LEMD3: variants seen among roughly 807,000 people sequenced by gnomAD.
LEMD3 encodes inner nuclear membrane protein Man1.
A neutral mutation model predicts 95.2 loss-of-function variants in LEMD3; 33 were observed. The ratio of observed to expected loss-of-function variants is 0.35; its 90% CI spans 0.26 to 0.46. The LOEUF is 0.46. Among genes scored for constraint, LEMD3 ranks in the 20% least tolerant of loss-of-function variants. The pLI, the probability that LEMD3 is intolerant of heterozygous loss-of-function variation, is 1.00. For missense variants in LEMD3, 1,210 were observed against 1,192.8 expected (o/e 1.01, Z -0.21); for synonymous variants, 525 against 474.6 (o/e 1.11, Z -1.38).
chr12:65,198,867 G>A (rs1869511168), intron 1 of LEMD3, among the ~76,000 whole-genome samples: 3 of 152,034 alleles, frequency 2.0e-5, no homozygotes, highest in South Asian at 4.1e-4. Flanking sequence ...TTGATCTGAA[G>A]TTGGTTGAGT....
chr12:65,205,387 A>AT lies in LEMD3; in HGVS notation c.1523-5530dup, dbSNP rs202070458. ...GATTACAAGGTTGAAAGAGACCATAATTTTTTTTTATCATATATAAAGAAT... is the reference window on the plus strand; with the variant it reads ...GATTACAAGGTTGAAAGAGACCATAATTTTTTTTTTATCATATATAAAGAAT... On this transcript the variant is annotated intron_variant, in intron 1 of 12. Coordinates refer to ENST00000308330, the MANE Select transcript of LEMD3 (RefSeq NM_014319.5). 3.8e-4 allele frequency among the ~76,000 whole-genome samples: 57 copies of AT among 151,848 alleles called. 2 individuals are homozygous for AT. The highest frequency in any genetic ancestry group is 8.3e-4 in the South Asian group (4 of 4,798).
At chr12:65,233,029 A>T (rs1870675166) in intron 4 of LEMD3, among the ~76,000 whole-genome samples, 1 of 152,224 alleles carries the variant, frequency 6.6e-6, no homozygotes, top group South Asian at 2.1e-4. Context: ...GGGAAATTTT[A>T]TGATAATAAT....
In LEMD3 at chr12:65,246,490, C is replaced by CA. The variant is rs1871111187; in HGVS notation, c.*166dup. 4.6e-6 allele frequency: 3 copies of CA among 651,534 alleles called. No individual in the cohort carries two copies. Among genetic ancestry groups the CA allele is most frequent in the Non-Finnish European group, 8.1e-6 (3 of 368,332 alleles). The allele number at this position is 651,534 out of a possible 1,614,324, so 40.4% of individuals were successfully genotyped here. ...GTTCCAAAGGGATTTAGCAGTGAGG[C>CA]AGCAATGCTGAGTAGGTAGGATAAT... On this transcript the variant is annotated 3_prime_UTR_variant, in exon 13 of 13. Coordinates refer to ENST00000308330, the MANE Select transcript of LEMD3 (RefSeq NM_014319.5).
intron 9 of LEMD3, 65 bp downstream of exon 9, chr12:65,241,152 T>G (rs1230808294): frequency 7.4e-7 from 1 of 1,351,896 alleles, no homozygotes; most frequent in Non-Finnish European, 1.1e-6. Flanking sequence ...AAATATGTGT[T>G]AAGTGAAACA....
chr12:65,218,678 C>T lies in LEMD3; in HGVS notation c.1695+59C>T, dbSNP rs1870184949. The T allele has an allele frequency of 3.1e-6, 3 of 958,802 alleles. No individual in the cohort carries two copies. The South Asian group carries it at 4.3e-5, about 14-fold the overall frequency. 59.4% of individuals were successfully genotyped at this position (958,802 alleles called of 1,614,324 possible). Reference sequence around the variant, plus strand: ...TTTTAAAAAATTATATAAATCATTGCTACTTGTAAGAATCATATGTTTGAT... The same window carrying T: ...TTTTAAAAAATTATATAAATCATTGTTACTTGTAAGAATCATATGTTTGAT... On this transcript the variant is annotated intron_variant, in intron 4 of 12. Transcript: ENST00000308330.
chr12:65,169,594 A>C lies in LEMD3; in HGVS notation c.-3A>C. On this transcript the variant is annotated 5_prime_UTR_variant, in exon 1 of 13. Coordinates refer to ENST00000308330, the MANE Select transcript of LEMD3 (RefSeq NM_014319.5). ...GGAGCTTGTAAAACACCCTGGAGAG[A>C]AAATGGCGGCGGCAGCAGCTTCGGC... is the stretch of plus-strand genomic sequence containing the variant. 3 of 1,588,924 alleles carry C rather than the reference A, an allele frequency of 1.9e-6. No homozygotes were observed. The highest frequency in any genetic ancestry group is 2.6e-6 in the Non-Finnish European group (3 of 1,169,468).
At chr12:65,189,563 T>C (rs1203415062) in intron 1 of LEMD3, among the ~76,000 whole-genome samples, 1 of 152,200 alleles carries the variant, frequency 6.6e-6, no homozygotes, top group East Asian at 1.9e-4. Flanking sequence ...AGTTTATAGA[T>C]ACAATGTCAA....
At chr12:65,187,471 C>A (rs1267543785) in intron 1 of LEMD3, among the ~76,000 whole-genome samples, 1 of 151,994 alleles carries the variant, frequency 6.6e-6, no homozygotes, top group African/African-American at 2.4e-5. Context: ...AGTGGCAGAA[C>A]CAGATTTGAG....
In LEMD3 at chr12:65,169,633, T is replaced by G. The variant is rs952563919; in HGVS notation, c.37T>G (p.Ser13Ala). ...AAAASAPQQL[S>A]DEELFSQLRR... ...AGCAGCTTCGGCGCCTCAGCAGCTC[T>G]CGGATGAGGAGCTTTTCTCTCAGCT... Residue 13 changes from serine (S) to alanine (A), a missense_variant, in exon 1 of 13, where the codon TCG becomes GCG. Coordinates refer to ENST00000308330, the MANE Select transcript of LEMD3 (RefSeq NM_014319.5). 16 of 1,589,546 alleles carry G rather than the reference T, an allele frequency of 1.0e-5. No individual in the cohort carries two copies. The highest frequency in any genetic ancestry group is 1.4e-5 in the Non-Finnish European group (16 of 1,170,038).
At chr12:65,196,309 T>G (rs893309562) in intron 1 of LEMD3, among the ~76,000 whole-genome samples, 17 of 152,070 alleles carry the variant, frequency 1.1e-4, no homozygotes, top group African/African-American at 4.1e-4. Flanking sequence ...TTTGAGTCTT[T>G]TAGGAGCTTC....
chr12:65,223,971 C>T (rs561281606), intron 4 of LEMD3, among the ~76,000 whole-genome samples: 2 of 151,838 alleles, frequency 1.3e-5, no homozygotes, highest in East Asian at 3.9e-4. Flanking sequence ...CTGATAACAC[C>T]TTAACTTTAG....
In LEMD3 at chr12:65,218,610, G is replaced by A. The variant is rs755722811; in HGVS notation, c.1686G>A (p.Ala562=). Reference sequence around the variant, plus strand: ...CGCTTTCTGTTCAAGAGGCAGCTGCGTATTTAAAAGTAAGCAATGAAATTA... The same window carrying A: ...CGCTTTCTGTTCAAGAGGCAGCTGCATATTTAAAAGTAAGCAATGAAATTA... ...QRTLSVQEAA[A]YLKDLGPEYE... Residue 562 remains alanine, a synonymous_variant, in exon 4 of 13, where the codon GCG becomes GCA. Coordinates refer to ENST00000308330, the MANE Select transcript of LEMD3 (RefSeq NM_014319.5). 18 of 1,593,128 alleles carry A rather than the reference G, an allele frequency of 1.1e-5. No homozygotes were observed. The highest frequency in any genetic ancestry group is 1.2e-5 in the Non-Finnish European group (14 of 1,165,612).
At chr12:65,173,299 A>C (rs1187843962) in intron 1 of LEMD3, among the ~76,000 whole-genome samples, 1 of 152,238 alleles carries the variant, frequency 6.6e-6, no homozygotes, top group East Asian at 1.9e-4. Flanking sequence ...CATCAGTGTT[A>C]AGATGAATGA....
chr12:65,245,466 T>C (rs1565801950), intron 10 of LEMD3: 2 of 546,214 alleles, frequency 3.7e-6, no homozygotes, highest in South Asian at 2.0e-5. Context: ...TACTGGAAAG[T>C]GGGAGGAGGG....
chr12:65,220,860 A>G (rs765146395), intron 4 of LEMD3, among the ~76,000 whole-genome samples: 1 of 152,122 alleles, frequency 6.6e-6, no homozygotes, highest in Non-Finnish European at 1.5e-5. Flanking sequence ...GCACCCTTGT[A>G]GAAGATTGTT....
chr12:65,186,224 TTC>T (rs1179457270), intron 1 of LEMD3, among the ~76,000 whole-genome samples: 1 of 152,104 alleles, frequency 6.6e-6, no homozygotes, highest in Non-Finnish European at 1.5e-5. Flanking sequence ...GATTTTTTTT[TTC>T]TTTTACATTT....
chr12:65,206,778 A>G (rs1018056111), intron 1 of LEMD3, among the ~76,000 whole-genome samples: 4 of 152,088 alleles, frequency 2.6e-5, no homozygotes, highest in African/African-American at 9.7e-5. Context: ...AAAATAATGT[A>G]TTTTCCAACA....
At chr12:65,206,947 G>A (rs1001375115) in intron 1 of LEMD3, among the ~76,000 whole-genome samples, 10 of 151,982 alleles carry the variant, frequency 6.6e-5, no homozygotes, top group Non-Finnish European at 1.5e-4. Context: ...AGTTATGTAT[G>A]CTTTGGAGTC....
chr12:65,213,800 G>A lies in LEMD3; in HGVS notation c.1561-2177G>A, dbSNP rs1353662496. On this transcript the variant is annotated intron_variant, in intron 2 of 12. Transcript: ENST00000308330. ...TTCAAATTTTGTTTTGTTTTTGAAA[G>A]GGGAGTGAGGAAGGGTATGATAGTA... Among the ~76,000 whole-genome samples, 4 of 152,216 alleles carry A rather than the reference G, an allele frequency of 2.6e-5. No homozygotes were observed. The East Asian group carries it at 7.7e-4, about 29-fold the overall frequency.
Sources: allele counts gnomAD v4.1 joint callset (sites outside exome capture counted in the v4.1 genomes callset), GRCh38; gene constraint gnomAD v4.1.1; transcripts MANE v1.5; gene names NCBI Gene and HGNC (gene_info 2026-07-23, HGNC 2026-07-21).